TRAF7: variants seen among roughly 807,000 people sequenced by gnomAD.
TRAF7 encodes E3 ubiquitin-protein ligase TRAF7.
TRAF7 carries 45 observed loss-of-function variants against 89.3 expected under a neutral mutation model. That is an observed-to-expected ratio of 0.50 (90% CI 0.40 to 0.65). TRAF7 has a LOEUF of 0.65. Ranked by LOEUF, TRAF7 falls within the 30% of genes least tolerant of loss-of-function variation. The pLI is 0.00. For missense variants in TRAF7, 677 were observed against 918.1 expected (o/e 0.74, Z 3.39); for synonymous variants, 406 against 369.2 (o/e 1.10, Z -1.14).
rs746741360 is a variant in TRAF7 at position 2,161,881 on chromosome 16, G to C, written c.-38-2002G>C. ...CAGAGCAGCCTTGTAGACACACCACGACCACACCTCTGTCCCAGGGCTGAC... is the reference window on the plus strand; with the variant it reads ...CAGAGCAGCCTTGTAGACACACCACCACCACACCTCTGTCCCAGGGCTGAC... On this transcript the variant is annotated intron_variant, in intron 1 of 20. Transcript: ENST00000326181. This position sits in a 1 kb window ranked among gnomAD's most constrained non-coding sequence, Gnocchi z 5.2. Among the ~76,000 whole-genome samples the C allele has an allele frequency of 1.3e-5, 2 of 152,172 alleles. No homozygotes were observed. Among genetic ancestry groups the C allele is most frequent in the Non-Finnish European group, 1.5e-5 (1 of 68,022 alleles).
chr16:2,178,069 T>G lies in TRAF7; in HGVS notation c.*1495T>G, dbSNP rs1469349476. 1 of 486,784 alleles carries G rather than the reference T, an allele frequency of 2.1e-6. No homozygotes were observed. The highest frequency in any genetic ancestry group is 3.9e-6 in the Non-Finnish European group (1 of 254,652). The allele number at this position is 486,784 out of a possible 1,614,324, so 30.2% of individuals were successfully genotyped here. On this transcript the variant is annotated 3_prime_UTR_variant, in exon 21 of 21. Transcript: ENST00000326181. ...TATATTTGTTAAAGTTATACCTTTT[T>G]GTTTCTCTGGGGAAATCCGCCTCAG... is the stretch of plus-strand genomic sequence containing the variant.
At chr16:2,160,455 A>G (rs1232468874) in intron 1 of TRAF7, among the ~76,000 whole-genome samples, 5 of 131,304 alleles carry the variant, frequency 3.8e-5, no homozygotes, top group African/African-American at 1.1e-4. Flanking sequence ...GTGGACAGGC[A>G]GGCGGTGTGG....
rs1427364302 is a variant in TRAF7, at chr16:2,172,619, G to T, written c.794+20G>T. On this transcript the variant is annotated intron_variant, in intron 9 of 20. Transcript: ENST00000326181. ...GTACGGGTGAGTGGGGGGCGGGCGG[G>T]GGTGGGCCGGGGTGGGCGCAGGCCC... 1.5e-6 allele frequency: 2 copies of T among 1,354,796 alleles called. No homozygotes were observed. The highest frequency in any genetic ancestry group is 1.3e-5 in the South Asian group (1 of 79,472). 83.9% of individuals were successfully genotyped at this position (1,354,796 alleles called of 1,614,324 possible).
rs2093110371 is a variant in TRAF7, at chr16:2,171,489, G to A, written c.442-83G>A. 15 of 1,596,152 alleles carry A rather than the reference G, an allele frequency of 9.4e-6. No homozygotes were observed. The South Asian group carries it at 1.7e-4, about 18-fold the overall frequency. On this transcript the variant is annotated intron_variant, in intron 6 of 20. Transcript: ENST00000326181. ...CTGGCTGCACTGGGCTTGGGGTACA[G>A]CGAGGCCTGTGGCTGCCATGGCCAT...
In TRAF7 at chr16:2,168,319, T is replaced by G; in HGVS notation, c.231+151T>G. 4.9e-6 allele frequency: 3 copies of G among 614,106 alleles called. No homozygotes were observed. The highest frequency in any genetic ancestry group is 1.9e-5 in the African/African-American group (1 of 53,222). The allele number at this position is 614,106 out of a possible 1,614,324, so 38.0% of individuals were successfully genotyped here. A position where few individuals can be genotyped will look rare whatever the true frequency, so the allele number is the denominator to read the frequency against. On this transcript the variant is annotated intron_variant, in intron 4 of 20. Transcript: ENST00000326181. The surrounding 1 kb of genome is among the most constrained non-coding windows in gnomAD (Gnocchi z 4.1). The stretch of plus-strand genomic sequence containing the variant: ...GGATACCCTGAGGCCTCGGCAGACA[T>G]GGCAAGTCTGTGAGAAAGGAGGCTC...
rs1295382921 is a variant in TRAF7 at position 2,159,768 on chromosome 16, A to G, written c.-39+3910A>G. ...CCCACCCATGGCTTGCGCCCCACAC[A>G]TGTTCAGGGGACCCCCACACCCCAC... On this transcript the variant is annotated intron_variant, in intron 1 of 20. Transcript: ENST00000326181. The surrounding 1 kb of genome is among the most constrained non-coding windows in gnomAD (Gnocchi z 6.5). Among the ~76,000 whole-genome samples, 1 of 152,120 alleles carries G rather than the reference A, an allele frequency of 6.6e-6. No individual in the cohort carries two copies. Among genetic ancestry groups the G allele is most frequent in the Non-Finnish European group, 1.5e-5 (1 of 67,988 alleles).
At chr16:2,167,018 C>A (rs1405949777) in intron 3 of TRAF7, among the ~76,000 whole-genome samples, 1 of 152,180 alleles carries the variant, frequency 6.6e-6, no homozygotes, top group African/African-American at 2.4e-5. Context: ...GTCATAGGGC[C>A]GCCAAGGACA....
chr16:2,165,689 G>A (rs942224907), intron 2 of TRAF7, among the ~76,000 whole-genome samples, 190 bp from the exon 3 acceptor site: 29 of 150,246 alleles, frequency 1.9e-4, no homozygotes, highest in Admixed American at 2.0e-4. Context: ...GCGTGTTAGC[G>A]CTGCGTGGCG....
At position 2,170,744 on chromosome 16, in the gene TRAF7, A is replaced by G; in HGVS notation, c.348+14A>G. 6.3e-7 allele frequency: 1 copy of G among 1,587,268 alleles called. No individual in the cohort carries two copies. Among genetic ancestry groups the G allele is most frequent in the Non-Finnish European group, 8.6e-7 (1 of 1,167,094 alleles). The stretch of plus-strand genomic sequence containing the variant: ...GAGGAGGAGCCGGTAGGTGTGGGGG[A>G]CTCGGCGCAGAGCGGCTTCCAGGGC... On this transcript the variant is annotated intron_variant, in intron 5 of 20. Transcript: ENST00000326181.
rs775842961 is a variant in TRAF7 at position 2,176,394 on chromosome 16, C to T, written c.1998+10C>T. On this transcript the variant is annotated intron_variant, in intron 20 of 20. Transcript: ENST00000326181. ...GGATAGCACTGTGAAGGTCAGTGCCCGTGGCTCAGGCCATTCAAAGGGGCT... is the reference window on the plus strand; with the variant it reads ...GGATAGCACTGTGAAGGTCAGTGCCTGTGGCTCAGGCCATTCAAAGGGGCT... 36 of 1,609,766 alleles carry T rather than the reference C, an allele frequency of 2.2e-5. No individual in the cohort carries two copies. Among genetic ancestry groups the T allele is most frequent in the Admixed American group, 1.7e-4 (10 of 59,674 alleles).
At position 2,178,004 on chromosome 16, in the gene TRAF7, T is replaced by C. The variant is rs943244183; in HGVS notation, c.*1430T>C. 1.7e-5 allele frequency: 7 copies of C among 400,286 alleles called. No homozygotes were observed. Among genetic ancestry groups the C allele is most frequent in the Non-Finnish European group, 3.3e-5 (7 of 212,202 alleles). 24.8% of individuals were successfully genotyped at this position (400,286 alleles called of 1,614,324 possible). ...ACTTCGTGTCCTTTCAGTTGGTAAATGGTTTTCTATAGAATCAATAATATT... is the reference window on the plus strand; with the variant it reads ...ACTTCGTGTCCTTTCAGTTGGTAAACGGTTTTCTATAGAATCAATAATATT... On this transcript the variant is annotated 3_prime_UTR_variant, in exon 21 of 21. Coordinates refer to ENST00000326181, the MANE Select transcript of TRAF7 (RefSeq NM_032271.3).
At chr16:2,173,140 C>T (rs769446034) in intron 9 of TRAF7, 42 bp from the exon 10 acceptor site, 13 of 1,569,028 alleles carry the variant, frequency 8.3e-6, no homozygotes, top group Middle Eastern at 1.8e-4. Context: ...GGGGAGGCAC[C>T]GGCAGGGACC....
At position 2,174,290 on chromosome 16, in the gene TRAF7, C is replaced by T. The variant is rs139420193; in HGVS notation, c.1303C>T (p.Leu435=). 3.7e-6 allele frequency: 6 copies of T among 1,613,148 alleles called. No individual in the cohort carries two copies. In the African/African-American group the frequency reaches 4.0e-5, roughly 11 times the overall value. ...TACCACCTACAAGTGTCAGAAGACA[C>T]TGGAGGGCCATGATGGCATCGTGCT... ...TCTTYKCQKT[L]EGHDGIVLAL... The change falls in exon 14 of 21, where the codon CTG becomes TTG. Residue 435 remains leucine (L), a synonymous_variant. Coordinates refer to ENST00000326181, the MANE Select transcript of TRAF7 (RefSeq NM_032271.3).
intron 3 of TRAF7, 112 bp downstream of exon 3, chr16:2,166,048 G>A: frequency 7.3e-7 from 1 of 1,379,018 alleles, no homozygotes. Flanking sequence ...GGGTGCCAGT[G>A]CTGGGCGCGG....
chr16:2,172,213 C>G lies in TRAF7; in HGVS notation c.498C>G (p.Val166=). ...LKSEKCPVDN[V]KLTVVVNNIA... is the part of the protein sequence containing the mutation. ...CAGAGAAGTGTCCCGTGGACAACGTCAAACTGACCGTGGTGGTGAACAACA... is the reference window on the plus strand; with the variant it reads ...CAGAGAAGTGTCCCGTGGACAACGTGAAACTGACCGTGGTGGTGAACAACA... The change falls in exon 8 of 21, where the codon GTC becomes GTG. Residue 166 remains valine, a synonymous_variant. Transcript: ENST00000326181. 1.2e-6 allele frequency: 2 copies of G among 1,613,100 alleles called. No homozygotes were observed. Among genetic ancestry groups the G allele is most frequent in the Non-Finnish European group, 1.7e-6 (2 of 1,179,986 alleles).
At position 2,163,507 on chromosome 16, in the gene TRAF7, G is replaced by C; in HGVS notation, c.-38-376G>C. The C allele has an allele frequency of 4.1e-6, 1 of 244,304 alleles. No homozygotes were observed. Among genetic ancestry groups the C allele is most frequent in the Admixed American group, 5.1e-5 (1 of 19,510 alleles). 15.1% of individuals were successfully genotyped at this position (244,304 alleles called of 1,614,324 possible). Reference sequence around the variant, plus strand: ...GCCACACCCTGGGCCTACCCACCAAGGCCCAGCCTTGGCCCCAGGGACATT... The same window carrying C: ...GCCACACCCTGGGCCTACCCACCAACGCCCAGCCTTGGCCCCAGGGACATT... On this transcript the variant is annotated intron_variant, in intron 1 of 20. Coordinates refer to ENST00000326181, the MANE Select transcript of TRAF7 (RefSeq NM_032271.3). This position sits in a 1 kb window ranked among gnomAD's most constrained non-coding sequence, Gnocchi z 4.3.
intron 9 of TRAF7, 36 bp downstream of exon 9, chr16:2,172,635 G>GGGGGGGGGGGGC: frequency 1.6e-6 from 2 of 1,273,320 alleles, no homozygotes; most frequent in East Asian, 2.5e-5. Context: ...GCCGGGGTGG[G>GGGGGGGGGGGGC]CGCAGGCCCT....
In TRAF7 at chr16:2,168,218, C is replaced by T. The variant is rs1246083393; in HGVS notation, c.231+50C>T. ...GTGTGAGCCTCAGCCTCCCCCCATCCTCCCTCCTGGGGGAACCAGGTCCCA... is the reference window on the plus strand; with the variant it reads ...GTGTGAGCCTCAGCCTCCCCCCATCTTCCCTCCTGGGGGAACCAGGTCCCA... On this transcript the variant is annotated intron_variant, in intron 4 of 20. Transcript: ENST00000326181. This position sits in a 1 kb window ranked among gnomAD's most constrained non-coding sequence, Gnocchi z 4.1. 1.3e-6 allele frequency: 2 copies of T among 1,498,836 alleles called. No homozygotes were observed. Among genetic ancestry groups the T allele is most frequent in the Non-Finnish European group, 9.1e-7 (1 of 1,099,152 alleles). The allele number at this position is 1,498,836 out of a possible 1,614,324, so 92.8% of individuals were successfully genotyped here. A position where few individuals can be genotyped will look rare whatever the true frequency, so the allele number is the denominator to read the frequency against.
intron 16 of TRAF7, 39 bp downstream of exon 16, chr16:2,175,456 G>C (rs2093131620): frequency 1.2e-6 from 2 of 1,612,300 alleles, no homozygotes; most frequent in Non-Finnish European, 1.7e-6. Context: ...TGTCACTGAG[G>C]CGTCCCTTGC....
Sources: gnomAD v4.1 joint callset for allele counts (sites outside exome capture counted in the v4.1 genomes callset) on GRCh38, gnomAD v4.1.1 for gene constraint, Gnocchi (gnomAD v3.1) non-coding constraint, MANE v1.5 for transcripts, NCBI Gene and HGNC (gene_info 2026-07-23, HGNC 2026-07-21) for gene names.